CHCHD3: variants seen among roughly 807,000 people sequenced by gnomAD.
The protein encoded by CHCHD3 is coiled-coil-helix-coiled-coil-helix domain containing 3, also known as MICOS complex subunit MIC19.
A neutral mutation model predicts 38.2 loss-of-function variants in CHCHD3; 20 were observed. The observed-to-expected ratio is 0.52, with a 90% confidence interval of 0.37 to 0.76. The LOEUF (loss-of-function observed/expected upper bound fraction) is 0.76. Ranked by LOEUF, CHCHD3 falls within the 30% of genes least tolerant of loss-of-function variation. The probability of loss-of-function intolerance (pLI) is 0.00; values close to 1 mark genes in which losing one functional copy is unlikely to be tolerated. For synonymous variants in CHCHD3, 82 were observed against 100.0 expected (o/e 0.82, Z 1.07); for missense variants, 245 against 279.2 (o/e 0.88, Z 0.87).
intron 2 of CHCHD3, among the ~76,000 whole-genome samples, chr7:133,054,375 G>A (rs1814251796): frequency 6.6e-6 from 1 of 152,142 alleles, no homozygotes; most frequent in Non-Finnish European, 1.5e-5. Flanking sequence ...ACACTGCCTT[G>A]CATCTCTGAA....
At chr7:132,807,292 T>G (rs1348645036) in intron 6 of CHCHD3, among the ~76,000 whole-genome samples, 1 of 152,168 alleles carries the variant, frequency 6.6e-6, no homozygotes, top group Non-Finnish European at 1.5e-5. Flanking sequence ...AGGTCCTCTC[T>G]GCCCCCCAGG....
At chr7:132,958,005 A>C (rs1413160969) in intron 4 of CHCHD3, among the ~76,000 whole-genome samples, 1 of 152,214 alleles carries the variant, frequency 6.6e-6, no homozygotes, top group South Asian at 2.1e-4. Context: ...AAAATAAAAT[A>C]AAATCTGGCC....
At chr7:132,890,563 G>GA (rs2117183398) in intron 4 of CHCHD3, among the ~76,000 whole-genome samples, 1 of 152,216 alleles carries the variant, frequency 6.6e-6, no homozygotes. Context: ...TCAAGCACAA[G>GA]GCATTTTAAG....
intron 4 of CHCHD3, among the ~76,000 whole-genome samples, chr7:132,954,390 C>G (rs1280763921): frequency 6.6e-6 from 1 of 152,142 alleles, no homozygotes; most frequent in African/African-American, 2.4e-5. Flanking sequence ...CTCATGGCCA[C>G]GACACTAGAC....
intron 2 of CHCHD3, among the ~76,000 whole-genome samples, chr7:133,053,526 A>G (rs1814228692): frequency 1.3e-5 from 2 of 152,214 alleles, no homozygotes; most frequent in Non-Finnish European, 2.9e-5. Context: ...TACTTTTGCT[A>G]TGACAGAGTC....
intron 4 of CHCHD3, among the ~76,000 whole-genome samples, chr7:132,962,204 T>C (rs567820982): frequency 3.3e-5 from 5 of 152,362 alleles, no homozygotes; most frequent in Non-Finnish European, 5.9e-5. Context: ...TAACAGTTTT[T>C]CTTTTTCTAA....
chr7:132,964,249 T>C (rs942971693), intron 4 of CHCHD3, among the ~76,000 whole-genome samples: 4 of 152,152 alleles, frequency 2.6e-5, no homozygotes, highest in African/African-American at 7.2e-5. Context: ...AATTGAATCA[T>C]CTCTTACCTC....
At chr7:132,941,721 G>A (rs545747103) in intron 4 of CHCHD3, among the ~76,000 whole-genome samples, 1 of 152,090 alleles carries the variant, frequency 6.6e-6, no homozygotes, top group South Asian at 2.1e-4. Flanking sequence ...TGATCTGATG[G>A]GGCAGGAGTG....
chr7:133,049,047 T>TA (rs1562948399), intron 2 of CHCHD3, among the ~76,000 whole-genome samples: 2 of 152,212 alleles, frequency 1.3e-5, no homozygotes, highest in African/African-American at 4.8e-5. Flanking sequence ...AAGAATGCCA[T>TA]AAAAAATCCG....
At chr7:132,995,996 A>G (rs574575299) in intron 3 of CHCHD3, among the ~76,000 whole-genome samples, 1 of 152,284 alleles carries the variant, frequency 6.6e-6, no homozygotes, top group African/African-American at 2.4e-5. Flanking sequence ...AGCTAAAGAA[A>G]CCACAGCTTA....
At chr7:132,786,319 C>A (rs771730678) in intron 7 of CHCHD3, among the ~76,000 whole-genome samples, 1 of 152,160 alleles carries the variant, frequency 6.6e-6, no homozygotes, top group African/African-American at 2.4e-5. Flanking sequence ...GGAATCTCTT[C>A]ATTAGAGAAA....
chr7:132,975,387 A>G, intron 3 of CHCHD3, 101 bp from the exon 4 acceptor site: 1 of 970,156 alleles, frequency 1.0e-6, no homozygotes. Context: ...CATAGCCAAA[A>G]AGGTCAACAG....
intron 1 of CHCHD3, among the ~76,000 whole-genome samples, chr7:133,076,516 A>C (rs1814995968): frequency 1.3e-5 from 2 of 152,208 alleles, no homozygotes; most frequent in Admixed American, 1.3e-4. Flanking sequence ...ATTGCTCCTA[A>C]AGACAAATTT....
At chr7:132,899,789 T>G (rs752887898) in intron 4 of CHCHD3, among the ~76,000 whole-genome samples, 1 of 152,240 alleles carries the variant, frequency 6.6e-6, no homozygotes, top group Non-Finnish European at 1.5e-5. Context: ...CTGTCTCTTA[T>G]CTGTACAATT....
rs189638688 is a variant in CHCHD3, at chr7:132,875,588, C to T, written c.453+10074G>A. ...AAGGTAGTGTTCTTCACAAAACACA[C>T]AGCCTCCATGGGCCCATTGCGCCAC... is the stretch of plus-strand genomic sequence containing the variant. On this transcript the variant is annotated intron_variant, in intron 5 of 7. Transcript: ENST00000262570. Among the ~76,000 whole-genome samples the T allele has an allele frequency of 2.6e-3, 396 of 152,306 alleles. 4 individuals carry two copies. The highest frequency in any genetic ancestry group is 9.1e-3 in the African/African-American group (377 of 41,562).
intron 3 of CHCHD3, among the ~76,000 whole-genome samples, chr7:133,014,636 T>A (rs1584643927): frequency 6.7e-6 from 1 of 149,706 alleles, no homozygotes; most frequent in East Asian, 2.0e-4. Context: ...GCAACACAAA[T>A]ATATAAAATA....
intron 4 of CHCHD3, among the ~76,000 whole-genome samples, chr7:132,926,552 C>T (rs1457098579): frequency 1.3e-5 from 2 of 152,094 alleles, no homozygotes; most frequent in African/African-American, 2.4e-5. Flanking sequence ...ATTTGTGAGG[C>T]GCAAATGAGA....
chr7:132,900,058 T>C (rs954904154), intron 4 of CHCHD3, among the ~76,000 whole-genome samples: 11 of 152,230 alleles, frequency 7.2e-5, no homozygotes, highest in African/African-American at 2.4e-4. Context: ...GTTCCTTCTC[T>C]GCCTGACTTG....
At chr7:132,838,322 T>A in intron 6 of CHCHD3, 77 bp downstream of exon 6, 1 of 984,596 alleles carries the variant, frequency 1.0e-6, no homozygotes, top group Non-Finnish European at 1.6e-6. Context: ...CAAACTATGA[T>A]CTGTGCAAAA....
Sources: allele counts gnomAD v4.1 joint callset (sites outside exome capture counted in the v4.1 genomes callset), GRCh38; gene constraint gnomAD v4.1.1; transcripts MANE v1.5; gene names NCBI Gene and HGNC (gene_info 2026-07-23, HGNC 2026-07-21).